NOL4L: variants seen among roughly 807,000 people sequenced by gnomAD.
NOL4L encodes the protein nucleolar protein 4-like.
NOL4L carries 7 observed loss-of-function variants against 64.5 expected under a neutral mutation model. That is an observed-to-expected ratio of 0.11 (90% CI 0.06 to 0.20). NOL4L has a LOEUF of 0.20. NOL4L is among the 10% of genes least tolerant of loss of function. The pLI, the probability that NOL4L is intolerant of heterozygous loss-of-function variation, is 1.00. For synonymous variants in NOL4L, 413 were observed against 401.0 expected (o/e 1.03, Z -0.36); for missense variants, 680 against 967.1 (o/e 0.70, Z 3.94).
At position 32,584,928 on chromosome 20, in the gene NOL4L, C is replaced by T; in HGVS notation, c.-38G>A. On this transcript the variant is annotated 5_prime_UTR_variant, in exon 1 of 11. Coordinates refer to ENST00000621426, the MANE Select transcript of NOL4L (RefSeq NM_001256798.2). ...CCCGGCGCCCTCGGGGGCGGGCCGG[C>T]CGCCGGGCCGCCCGGTGCCGGGACT... 1 of 1,116,750 alleles carries T rather than the reference C, an allele frequency of 9.0e-7. No individual in the cohort carries two copies. Among genetic ancestry groups the T allele is most frequent in the Non-Finnish European group, 1.1e-6 (1 of 913,576 alleles). The allele number at this position is 1,116,750 out of a possible 1,614,324, so 69.2% of individuals were successfully genotyped here.
chr20:32,487,622 C>CG (rs1030198977), intron 4 of NOL4L, among the ~76,000 whole-genome samples: 44 of 151,346 alleles, frequency 2.9e-4, no homozygotes, highest in Admixed American at 2.0e-4. Context: ...GGATGAGCAT[C>CG]GGGGGGGCAA....
intron 5 of NOL4L, among the ~76,000 whole-genome samples, chr20:32,471,207 TCA>T (rs1218213033): frequency 1.7e-5 from 2 of 120,420 alleles, no homozygotes; most frequent in Admixed American, 1.7e-4. Context: ...ACTCTTGGGC[TCA>T]GTTTCAGGAC....
chr20:32,577,233 A>T (rs1054760774), intron 1 of NOL4L, among the ~76,000 whole-genome samples: 2 of 152,210 alleles, frequency 1.3e-5, no homozygotes, highest in Admixed American at 1.3e-4. Context: ...CTCCTCACAA[A>T]TCCAGACCCC....
intron 1 of NOL4L, among the ~76,000 whole-genome samples, chr20:32,567,239 G>A (rs1361850496): frequency 1.3e-5 from 2 of 152,170 alleles, no homozygotes; most frequent in Non-Finnish European, 2.9e-5. Context: ...TGTGTAGAAT[G>A]TGTCCTTCCA....
At chr20:32,485,087 A>AAAAAAAAC (rs2016022458) in intron 4 of NOL4L, among the ~76,000 whole-genome samples, 1 of 137,702 alleles carries the variant, frequency 7.3e-6, no homozygotes, top group Non-Finnish European at 1.6e-5. Context: ...AAAAAAAAAA[A>AAAAAAAAC]CAACTAAAAA....
intron 9 of NOL4L, 92 bp downstream of exon 9, chr20:32,452,791 AC>A: frequency 1.3e-6 from 2 of 1,559,728 alleles, no homozygotes; most frequent in Non-Finnish European, 1.7e-6. Context: ...TCCCGACTGT[AC>A]CCATCACAGC....
intron 4 of NOL4L, among the ~76,000 whole-genome samples, chr20:32,485,981 G>A (rs965495628): frequency 3.9e-5 from 6 of 152,188 alleles, no homozygotes; most frequent in Non-Finnish European, 7.3e-5. Context: ...CGCCCAGGAG[G>A]GCAGAGCAGT....
chr20:32,479,824 G>A (rs1913339098), intron 4 of NOL4L, among the ~76,000 whole-genome samples: 1 of 152,260 alleles, frequency 6.6e-6, no homozygotes, highest in African/African-American at 2.4e-5. Context: ...GTAGCACCCA[G>A]TCAGCCTCTG....
chr20:32,494,263 A>C (rs1029594186), intron 4 of NOL4L, among the ~76,000 whole-genome samples: 3 of 72,340 alleles, frequency 4.1e-5, no homozygotes, highest in Admixed American at 1.8e-4. Flanking sequence ...GAAAAAAAAA[A>C]AAAAAAAAAA....
At chr20:32,492,487 G>A (rs2016506547) in intron 4 of NOL4L, among the ~76,000 whole-genome samples, 1 of 152,224 alleles carries the variant, frequency 6.6e-6, no homozygotes, top group Non-Finnish European at 1.5e-5. Context: ...ATCTGGACAT[G>A]GGTCACAGGA....
At chr20:32,478,795 C>T (rs570319287) in intron 4 of NOL4L, among the ~76,000 whole-genome samples, 18 of 152,154 alleles carry the variant, frequency 1.2e-4, no homozygotes, top group Non-Finnish European at 2.5e-4. Flanking sequence ...CTCACTATAT[C>T]GCCCAGGCTG....
intron 4 of NOL4L, among the ~76,000 whole-genome samples, chr20:32,476,311 G>A (rs144233120): frequency 2.0e-5 from 3 of 152,026 alleles, no homozygotes; most frequent in Admixed American, 2.0e-4. Context: ...GGAGGGAGAC[G>A]AAGGGGAGGG....
In NOL4L at chr20:32,548,603, C is replaced by T. The variant is rs73107813; in HGVS notation, c.322-20690G>A. 1.6e-3 allele frequency: 420 copies of T among 267,014 alleles called. 1 individual carries two copies. Among genetic ancestry groups the T allele is most frequent in the Non-Finnish European group, 2.5e-3 (328 of 132,366 alleles). The allele number at this position is 267,014 out of a possible 1,614,324, so 16.5% of individuals were successfully genotyped here. ...CTGAATGCTCAATATACAGTAACCT[C>T]GGTCATCACACGAATGGCTCACGTT... On this transcript the variant is annotated intron_variant, in intron 1 of 10. Transcript: ENST00000621426.
chr20:32,578,251 G>A (rs548741332), intron 1 of NOL4L, among the ~76,000 whole-genome samples: 1 of 152,028 alleles, frequency 6.6e-6, no homozygotes, highest in South Asian at 2.1e-4. Context: ...TAGCATTAAA[G>A]CCCAGGCCCT....
intron 1 of NOL4L, among the ~76,000 whole-genome samples, chr20:32,551,372 T>C (rs1413124229): frequency 1.5e-5 from 2 of 130,056 alleles, no homozygotes; most frequent in East Asian, 6.3e-4. Flanking sequence ...TGAGACTCGG[T>C]CTCAAAATCA....
At position 32,452,249 on chromosome 20, in the gene NOL4L, T is replaced by TC; in HGVS notation, c.1808dup (p.Asn604LysfsTer4). ...CCCCCGACTCACCATTACTGTGGTT[T>TC]CCTGTTTGGAGGGAGGCAGGGGGCT... On this transcript the variant is annotated frameshift_variant, in exon 10 of 11. Transcript: ENST00000621426. LOFTEE classifies it high-confidence loss of function. The TC allele has an allele frequency of 6.4e-7, 1 of 1,563,854 alleles. No individual in the cohort carries two copies. The highest frequency in any genetic ancestry group is 8.7e-7 in the Non-Finnish European group (1 of 1,153,090).
Position 32,452,316 on chromosome 20 carries a change from T to G in NOL4L, c.1742A>C (p.Asn581Thr). The change falls in exon 10 of 11, where the codon AAC (asparagine) becomes ACC (threonine). Residue 581 changes from asparagine (N) to threonine (T), a missense_variant. Transcript: ENST00000621426. Reference sequence around the variant, plus strand: ...GGCCCCGTACCCGCGGTAACTGTAGTTGAGGCCGCCGTTGGCGTACACAGG... The same window carrying G: ...GGCCCCGTACCCGCGGTAACTGTAGGTGAGGCCGCCGTTGGCGTACACAGG... ...QDPVYANGGLNYSYRGYGALS... is the reference protein window; with the variant it reads ...QDPVYANGGLTYSYRGYGALS... 1 of 1,609,398 alleles carries G rather than the reference T, an allele frequency of 6.2e-7. No homozygotes were observed. Among genetic ancestry groups the G allele is most frequent in the East Asian group, 2.2e-5 (1 of 44,634 alleles).
intron 1 of NOL4L, among the ~76,000 whole-genome samples, chr20:32,582,992 G>A (rs999901459): frequency 3.3e-5 from 5 of 152,066 alleles, no homozygotes; most frequent in Non-Finnish European, 5.9e-5. Flanking sequence ...CGAGAGTGCT[G>A]ATTTAGGCTG....
rs745461984 is a variant in NOL4L at position 32,584,133 on chromosome 20, G to GCACACACACA, written c.321+427_321+436dup. On this transcript the variant is annotated intron_variant, in intron 1 of 10. Coordinates refer to ENST00000621426, the MANE Select transcript of NOL4L (RefSeq NM_001256798.2). ...CCCCGCGGCACCACCCTCCGCGCGC[G>GCACACACACA]CACACACACACACACACACACACAC... Among the ~76,000 whole-genome samples the GCACACACACA allele has an allele frequency of 2.4e-3, 210 of 88,810 alleles. 1 individual carries two copies. Among genetic ancestry groups the GCACACACACA allele is most frequent in the African/African-American group, 9.2e-3 (177 of 19,154 alleles). The allele number at this position is 88,810 out of a possible 152,430, so 58.3% of individuals were successfully genotyped here.
Sources: allele counts gnomAD v4.1 joint callset (sites outside exome capture counted in the v4.1 genomes callset), GRCh38; gene constraint gnomAD v4.1.1; transcripts MANE v1.5; gene names NCBI Gene and HGNC (gene_info 2026-07-23, HGNC 2026-07-21).